TRPM1: variants seen among roughly 807,000 people sequenced by gnomAD.
TRPM1 encodes TRPM1-203 APA Isoform, Intron 10.
In TRPM1, 113 loss-of-function variants were observed where a neutral mutation model predicts 149.4. That is an observed-to-expected ratio of 0.76 (90% confidence interval 0.65 to 0.88). The LOEUF is 0.88. Ranked by LOEUF, TRPM1 falls within the 40% of genes least tolerant of loss-of-function variation. The pLI, the probability that TRPM1 is intolerant of heterozygous loss-of-function variation, is 0.00. For synonymous variants in TRPM1, 741 were observed against 759.5 expected, an observed-to-expected ratio of 0.98 and a Z score of 0.40; for missense variants, 1,976 against 2,038.7, an observed-to-expected ratio of 0.97 and a Z score of 0.59.
chr15:31,044,828 G>A (rs1312185430), intron 16 of TRPM1, among the ~76,000 whole-genome samples: 2 of 148,040 alleles, frequency 1.4e-5, no homozygotes, highest in African/African-American at 5.0e-5. Context: ...AGACACAACT[G>A]AAGATACTGA....
At chr15:31,048,060 T>G in intron 13 of TRPM1, 121 bp from the exon 14 acceptor site, 1 of 831,004 alleles carries the variant, frequency 1.2e-6, no homozygotes, top group South Asian at 1.3e-5. Context: ...GTCAGTAGTT[T>G]GAGGCCAGCC....
Position 31,126,175 on chromosome 15 carries a change from A to G in TRPM1, c.54+34731T>C, listed in dbSNP as rs549472664. Among the ~76,000 whole-genome samples, 3 of 152,266 alleles carry G rather than the reference A, an allele frequency of 2.0e-5. No individual in the cohort carries two copies. In the South Asian group the frequency reaches 6.2e-4, roughly 32 times the overall value. Reference sequence around the variant, plus strand: ...AAGAAACAAACAAACAAAACAAAATAAACAGAGTAAAAATTGGCATAATCA... The same window carrying G: ...AAGAAACAAACAAACAAAACAAAATGAACAGAGTAAAAATTGGCATAATCA... On this transcript the variant is annotated intron_variant, in intron 1 of 26. Transcript: ENST00000542188.
chr15:31,115,956 T>C lies in TRPM1; in HGVS notation c.55-38972A>G, dbSNP rs368730424. 2.0e-5 allele frequency among the ~76,000 whole-genome samples: 3 copies of C among 152,094 alleles called. No individual in the cohort carries two copies. The South Asian group carries it at 6.2e-4, about 32-fold the overall frequency. On this transcript the variant is annotated intron_variant, in intron 1 of 26. Coordinates refer to the TRPM1 transcript ENST00000542188. ...ACCTTTCAGCTATGTCCTCACATGGTGGAAGGAGCGAGATAGCTCTCCGGG... is the reference window on the plus strand; with the variant it reads ...ACCTTTCAGCTATGTCCTCACATGGCGGAAGGAGCGAGATAGCTCTCCGGG...
chr15:31,086,223 G>T (rs2034995386), intron 1 of TRPM1, among the ~76,000 whole-genome samples: 3 of 152,206 alleles, frequency 2.0e-5, no homozygotes, highest in African/African-American at 7.2e-5. Flanking sequence ...ATCAGACCAG[G>T]CTGGGAGGAA....
chr15:31,138,225 G>A (rs75164427), intron 1 of TRPM1, among the ~76,000 whole-genome samples: 3 of 152,096 alleles, frequency 2.0e-5, no homozygotes, highest in Non-Finnish European at 4.4e-5. Flanking sequence ...AAAGGGGGCC[G>A]CCCTCACAAA....
intron 1 of TRPM1, among the ~76,000 whole-genome samples, chr15:31,110,902 TC>T (rs530144327): frequency 0.015 from 2,074 of 142,454 alleles, 54 homozygotes; most frequent in Admixed American, 0.056. Context: ...TCTCTCTCTC[TC>T]CCCCCCCTTC....
rs573742786 is a variant in TRPM1 at position 31,073,093 on chromosome 15, G to A, written c.84-2867C>T. Among the ~76,000 whole-genome samples the A allele has an allele frequency of 4.6e-5, 7 of 152,060 alleles. No individual in the cohort carries two copies. In the East Asian group the frequency reaches 1.3e-3, roughly 29 times the overall value. The stretch of plus-strand genomic sequence containing the variant: ...CTCAGAATCATTTGCCAAATCCCAG[G>A]TCATGATTTACCCTTACATTTTCTT... On this transcript the variant is annotated intron_variant, in intron 3 of 27. Coordinates refer to ENST00000256552, the MANE Select transcript of TRPM1 (RefSeq NM_001252024.2).
At chr15:31,077,747 T>C (rs886725760) in intron 2 of TRPM1, among the ~76,000 whole-genome samples, 8 of 151,942 alleles carry the variant, frequency 5.3e-5, no homozygotes, top group African/African-American at 1.5e-4. Flanking sequence ...TGTGTGTGTG[T>C]GCTATGTTTG....
At chr15:31,089,267 G>A (rs1473055631) in intron 1 of TRPM1, among the ~76,000 whole-genome samples, 1 of 150,150 alleles carries the variant, frequency 6.7e-6, no homozygotes, top group Non-Finnish European at 1.5e-5. Flanking sequence ...CTGAGGGTTG[G>A]CAATGGTGGG....
At chr15:31,033,227 T>G (rs2033178579) in intron 21 of TRPM1, among the ~76,000 whole-genome samples, 1 of 152,196 alleles carries the variant, frequency 6.6e-6, no homozygotes, top group South Asian at 2.1e-4. Flanking sequence ...TCTTTTTTAA[T>G]TATCTGGACA....
Position 31,037,771 on chromosome 15 carries a change from G to A in TRPM1, c.2511C>T (p.Pro837=). 6.2e-7 allele frequency: 1 copy of A among 1,614,212 alleles called. No individual in the cohort carries two copies. Among genetic ancestry groups the A allele is most frequent in the Non-Finnish European group, 8.5e-7 (1 of 1,180,046 alleles). ...AGAATTCACAGATCTTTGTTCCGAT[G>A]GGAATACTTCTCTGTTTTTTGTGCT... is the stretch of plus-strand genomic sequence containing the variant. ...ENEHKKQRSI[P]IGTKICEFYN... Residue 837 remains proline (P), a synonymous_variant, in exon 20 of 28, where the codon CCC becomes CCT. Coordinates refer to ENST00000256552, the MANE Select transcript of TRPM1 (RefSeq NM_001252024.2).
chr15:31,159,454 G>A (rs1239789586), intron 1 of TRPM1, among the ~76,000 whole-genome samples: 1 of 152,202 alleles, frequency 6.6e-6, no homozygotes, highest in Non-Finnish European at 1.5e-5. Context: ...CCAGTGGCAT[G>A]TCTCTTGTTT....
At chr15:31,148,573 A>G (rs2036253001) in intron 1 of TRPM1, among the ~76,000 whole-genome samples, 1 of 152,228 alleles carries the variant, frequency 6.6e-6, no homozygotes, top group African/African-American at 2.4e-5. Context: ...GAGGAAAGGT[A>G]AACTCTTCAT....
At chr15:31,065,163 A>G (rs752137241) in intron 7 of TRPM1, 1 of 530,614 alleles carries the variant, frequency 1.9e-6, no homozygotes, top group East Asian at 5.5e-5. Context: ...GTAAAAACTT[A>G]CAAGTCCAGA....
intron 18 of TRPM1, among the ~76,000 whole-genome samples, chr15:31,039,348 A>G (rs1177960567): frequency 2.0e-5 from 3 of 152,246 alleles, no homozygotes; most frequent in Admixed American, 2.0e-4. Flanking sequence ...TATGTATAAC[A>G]TCAGCTTAGC....
At chr15:31,050,314 A>C in intron 12 of TRPM1, 95 bp downstream of exon 12, 1 of 1,571,142 alleles carries the variant, frequency 6.4e-7, no homozygotes, top group Non-Finnish European at 8.7e-7. Flanking sequence ...TCCTGGGATC[A>C]GGGCCCTGGG....
At chr15:31,003,097 T>G in intron 27 of TRPM1, 27 bp from the exon 28 acceptor site, 1 of 1,578,004 alleles carries the variant, frequency 6.3e-7, no homozygotes, top group Non-Finnish European at 8.6e-7. Context: ...GATAGATTTA[T>G]TAAACTGAGA....
intron 27 of TRPM1, among the ~76,000 whole-genome samples, chr15:31,013,127 C>T (rs913671613): frequency 6.6e-6 from 1 of 151,712 alleles, no homozygotes; most frequent in African/African-American, 2.4e-5. Context: ...ACTACCGGCA[C>T]CACCATGCTC....
chr15:31,130,915 A>G (rs2036008168), intron 1 of TRPM1, among the ~76,000 whole-genome samples: 1 of 152,084 alleles, frequency 6.6e-6, no homozygotes, highest in African/African-American at 2.4e-5. Context: ...CGTGAATTAA[A>G]CTCTCTCCAT....
Sources: allele counts gnomAD v4.1 joint callset (sites outside exome capture counted in the v4.1 genomes callset), GRCh38; gene constraint gnomAD v4.1.1; transcripts MANE v1.5; gene names NCBI Gene and HGNC (gene_info 2026-07-23, HGNC 2026-07-21).